The following DAB1 variants were observed in gnomAD, a reference collection of about 807,000 sequenced individuals.
DAB1 encodes disabled homolog 1.
A neutral mutation model predicts 64.6 loss-of-function variants in DAB1; 15 were observed. That is an observed-to-expected ratio of 0.23 (90% confidence interval 0.16 to 0.36). DAB1 has a LOEUF of 0.36. Among genes scored for constraint, DAB1 ranks in the 10% least tolerant of loss-of-function variants. The pLI is 1.00. For synonymous variants in DAB1, 235 were observed against 251.9 expected (o/e 0.93, Z 0.64); for missense variants, 596 against 706.7 (o/e 0.84, Z 1.78).
At chr1:58,343,192 T>C (rs767936253) in intron 4 of DAB1, among the ~76,000 whole-genome samples, 5 of 151,226 alleles carry the variant, frequency 3.3e-5, no homozygotes, top group Non-Finnish European at 7.4e-5. Context: ...GCTGCTAGAG[T>C]TTTCTCTACC....
At chr1:57,515,986 C>T (rs186937849) in intron 7 of DAB1, among the ~76,000 whole-genome samples, 13 of 152,318 alleles carry the variant, frequency 8.5e-5, no homozygotes, top group East Asian at 7.7e-4. Flanking sequence ...AGGCCTGTAG[C>T]GAAATGCTAG....
intron 2 of DAB1, among the ~76,000 whole-genome samples, chr1:57,181,800 T>C (rs1457407235): frequency 6.6e-6 from 1 of 152,228 alleles, no homozygotes; most frequent in African/African-American, 2.4e-5. Context: ...CTGTGGAGTA[T>C]AACTTTAAAT....
chr1:57,606,305 C>A, intron 7 of DAB1: 1 of 147,724 alleles, frequency 6.8e-6, no homozygotes, highest in Non-Finnish European at 1.4e-5. Flanking sequence ...ACACCACTTG[C>A]GACCGCATCA....
intron 4 of DAB1, among the ~76,000 whole-genome samples, chr1:57,122,059 C>T (rs886147919): frequency 2.0e-5 from 3 of 152,080 alleles, no homozygotes; most frequent in South Asian, 2.1e-4. Flanking sequence ...ATTGCCTGTA[C>T]GATCAATTAA....
intron 6 of DAB1, among the ~76,000 whole-genome samples, chr1:57,777,576 A>G (rs76323813): frequency 0.011 from 1,599 of 152,014 alleles, 22 homozygotes; most frequent in African/African-American, 0.037. Context: ...TTTTCCAGTG[A>G]CATATATATT....
intron 1 of DAB1, among the ~76,000 whole-genome samples, chr1:57,868,348 C>T (rs1022859618): frequency 7.2e-5 from 11 of 152,226 alleles, no homozygotes; most frequent in Admixed American, 5.9e-4. Flanking sequence ...TGATTTCTTT[C>T]GTGCTGGGAG....
rs1185106287 is a variant in DAB1 at position 57,151,689 on chromosome 1, T to A, written c.68-6260A>T. Among the ~76,000 whole-genome samples the A allele has an allele frequency of 2.0e-5, 3 of 151,666 alleles. No homozygotes were observed. In the East Asian group the frequency reaches 5.8e-4, roughly 29 times the overall value. Reference sequence around the variant, plus strand: ...AATAGATAATAATCTCTTAAATATTTTTAAAAATTTAAATTTGTGAAGAAA... The same window carrying A: ...AATAGATAATAATCTCTTAAATATTATTAAAAATTTAAATTTGTGAAGAAA... On this transcript the variant is annotated intron_variant, in intron 2 of 14. Coordinates refer to ENST00000371236, the MANE Select transcript of DAB1 (RefSeq NM_001365792.1).
At chr1:57,325,567 C>T (rs1029221484) in intron 1 of DAB1, among the ~76,000 whole-genome samples, 1 of 152,200 alleles carries the variant, frequency 6.6e-6, no homozygotes, top group Admixed American at 6.5e-5. Context: ...TACTTGTTTA[C>T]ATATTATAAC....
At chr1:58,494,561 C>T (rs1244930082) in intron 3 of DAB1, among the ~76,000 whole-genome samples, 1 of 152,132 alleles carries the variant, frequency 6.6e-6, no homozygotes, top group South Asian at 2.1e-4. Context: ...TGAACTCAAA[C>T]AAATTTACAA....
chr1:58,084,842 C>T (rs1650208028), intron 5 of DAB1, among the ~76,000 whole-genome samples: 1 of 150,724 alleles, frequency 6.6e-6, no homozygotes, highest in African/African-American at 2.4e-5. Context: ...TACATATATA[C>T]AAATTGGATA....
At chr1:57,837,574 C>T (rs1652861791) in intron 1 of DAB1, among the ~76,000 whole-genome samples, 1 of 152,098 alleles carries the variant, frequency 6.6e-6, no homozygotes, top group Admixed American at 6.5e-5. Flanking sequence ...TTGAGACTCT[C>T]TTCTGCCCTC....
intron 5 of DAB1, among the ~76,000 whole-genome samples, chr1:58,080,636 G>A (rs981119625): frequency 4.6e-5 from 7 of 152,208 alleles, no homozygotes; most frequent in African/African-American, 1.4e-4. Flanking sequence ...TTTGGGCTGT[G>A]CCTCTCATTC....
At chr1:58,543,158 T>C (rs1317115011) in intron 1 of DAB1, among the ~76,000 whole-genome samples, 1 of 152,220 alleles carries the variant, frequency 6.6e-6, no homozygotes, top group Non-Finnish European at 1.5e-5. Context: ...GCTTTTACTT[T>C]ATCCCCAAAA....
At chr1:57,996,801 C>A (rs1217525936) in intron 5 of DAB1, among the ~76,000 whole-genome samples, 1 of 152,152 alleles carries the variant, frequency 6.6e-6, no homozygotes, top group Non-Finnish European at 1.5e-5. Context: ...TATTTTATGA[C>A]TCTTCCCTTA....
intron 3 of DAB1, among the ~76,000 whole-genome samples, chr1:58,488,726 A>G (rs1000997792): frequency 3.3e-5 from 5 of 152,234 alleles, no homozygotes; most frequent in Non-Finnish European, 7.3e-5. Context: ...CTGGGATTAC[A>G]GGCGTGAGCC....
chr1:58,047,300 T>G (rs962222618), intron 5 of DAB1, among the ~76,000 whole-genome samples: 1 of 152,234 alleles, frequency 6.6e-6, no homozygotes. Flanking sequence ...ATATCTAAAC[T>G]GTTATCTTTC....
At chr1:57,925,944 G>A (rs1046519893) in intron 5 of DAB1, among the ~76,000 whole-genome samples, 2 of 152,146 alleles carry the variant, frequency 1.3e-5, no homozygotes, top group African/African-American at 2.4e-5. Flanking sequence ...TTTGACCTTG[G>A]ACAGGGGCTA....
chr1:58,130,687 T>G (rs1653493207), intron 5 of DAB1, among the ~76,000 whole-genome samples: 1 of 151,302 alleles, frequency 6.6e-6, no homozygotes, highest in Non-Finnish European at 1.5e-5. Flanking sequence ...TGCTTGTCTG[T>G]AAAGTATTTT....
At chr1:57,277,909 T>C (rs930989005) in intron 2 of DAB1, among the ~76,000 whole-genome samples, 1 of 152,152 alleles carries the variant, frequency 6.6e-6, no homozygotes, top group Non-Finnish European at 1.5e-5. Context: ...GTTTAACAAT[T>C]AGAATGCAAG....
Sources: gnomAD v4.1 joint callset for allele counts (sites outside exome capture counted in the v4.1 genomes callset) on GRCh38, gnomAD v4.1.1 for gene constraint, MANE v1.5 for transcripts, NCBI Gene and HGNC (gene_info 2026-07-23, HGNC 2026-07-21) for gene names.